Variants in ERC2 observed in about 807,000 individuals in gnomAD.
The protein encoded by ERC2 is ERC protein 2.
In ERC2, 42 loss-of-function variants were observed where a neutral mutation model predicts 114.8. The observed-to-expected ratio is 0.37, with a 90% CI of 0.29 to 0.47. The LOEUF (loss-of-function observed/expected upper bound fraction) is 0.47. Ranked by LOEUF, ERC2 falls within the 20% of genes least tolerant of loss-of-function variation. The pLI, the probability that ERC2 is intolerant of heterozygous loss-of-function variation, is 0.99. For synonymous variants in ERC2, 454 were observed against 425.5 expected (o/e 1.07, Z -0.82); for missense variants, 939 against 1,150.7 (o/e 0.82, Z 2.66).
chr3:56,448,804 G>A (rs1275071502), intron 1 of ERC2, among the ~76,000 whole-genome samples: 5 of 152,040 alleles, frequency 3.3e-5, no homozygotes, highest in Admixed American at 1.3e-4. Context: ...GGCCGGGCGC[G>A]GTGGCTCACA....
intron 17 of ERC2, among the ~76,000 whole-genome samples, chr3:55,598,995 C>T (rs1028783827): frequency 6.6e-6 from 1 of 152,218 alleles, no homozygotes; most frequent in Non-Finnish European, 1.5e-5. Context: ...TTGGCAGCTA[C>T]TTGAAGAAGG....
At chr3:55,520,433 CAAA>C (rs35883947) in intron 17 of ERC2, among the ~76,000 whole-genome samples, 7 of 109,548 alleles carry the variant, frequency 6.4e-5, no homozygotes, top group African/African-American at 1.0e-4. Context: ...GACTCTGTCT[CAAA>C]AAAAAAAAAA....
intron 3 of ERC2, among the ~76,000 whole-genome samples, chr3:56,216,509 C>A (rs1269945536): frequency 6.6e-6 from 1 of 152,170 alleles, no homozygotes; most frequent in Non-Finnish European, 1.5e-5. Context: ...TAATAGCTTA[C>A]CAACCAAAAA....
chr3:56,242,252 TGGG>T (rs1197201036), intron 3 of ERC2, among the ~76,000 whole-genome samples: 1 of 151,986 alleles, frequency 6.6e-6, no homozygotes, highest in African/African-American at 2.4e-5. Flanking sequence ...CATTTATAAG[TGGG>T]AGGTAAGCTA....
intron 12 of ERC2, among the ~76,000 whole-genome samples, chr3:55,955,337 C>T (rs1435707991): frequency 6.6e-6 from 1 of 150,862 alleles, no homozygotes; most frequent in Non-Finnish European, 1.5e-5. Flanking sequence ...ATTAAGTGTA[C>T]AAGTCAAAGG....
At chr3:55,702,466 G>C (rs1187836435) in intron 15 of ERC2, among the ~76,000 whole-genome samples, 1 of 152,096 alleles carries the variant, frequency 6.6e-6, no homozygotes, top group East Asian at 1.9e-4. Flanking sequence ...CTAGTTGCTG[G>C]TGTTCTCTCC....
At chr3:56,418,130 A>C (rs751546932) in intron 2 of ERC2, among the ~76,000 whole-genome samples, 36 of 152,024 alleles carry the variant, frequency 2.4e-4, no homozygotes, top group Non-Finnish European at 4.3e-4. Flanking sequence ...CTACAAAAAA[A>C]AATTGTTTAA....
intron 14 of ERC2, among the ~76,000 whole-genome samples, chr3:55,822,352 T>C (rs543704050): frequency 1.4e-4 from 21 of 152,290 alleles, no homozygotes; most frequent in South Asian, 1.2e-3. Context: ...TTTCTGAAAT[T>C]TATGTTGCTA....
chr3:55,577,437 C>T (rs2057041144), intron 17 of ERC2, among the ~76,000 whole-genome samples: 1 of 152,190 alleles, frequency 6.6e-6, no homozygotes, highest in African/African-American at 2.4e-5. Context: ...TCCCGAGGCA[C>T]TTGGGGAATG....
At chr3:55,758,171 A>G (rs1559607562) in intron 14 of ERC2, among the ~76,000 whole-genome samples, 2 of 152,224 alleles carry the variant, frequency 1.3e-5, no homozygotes, top group South Asian at 2.1e-4. Context: ...TTCTAAGTCC[A>G]TGAAGAAGAG....
intron 14 of ERC2, among the ~76,000 whole-genome samples, chr3:55,845,191 G>C (rs2061299239): frequency 6.6e-6 from 1 of 152,124 alleles, no homozygotes; most frequent in African/African-American, 2.4e-5. Context: ...CCAGGGCTTG[G>C]GGACTCCTGT....
At chr3:56,048,920 G>T (rs748884554) in intron 7 of ERC2, among the ~76,000 whole-genome samples, 1 of 152,180 alleles carries the variant, frequency 6.6e-6, no homozygotes, top group East Asian at 1.9e-4. Flanking sequence ...GCTGAGTTAC[G>T]TGAGATGGGT....
intron 17 of ERC2, among the ~76,000 whole-genome samples, chr3:55,643,005 C>T (rs843802): frequency 0.73 from 110,419 of 152,092 alleles, 42,924 homozygotes; most frequent in Non-Finnish European, 0.85. Flanking sequence ...AAATATAGCA[C>T]GGAAATTTAC....
At chr3:55,601,680 C>T (rs1397676645) in intron 17 of ERC2, among the ~76,000 whole-genome samples, 3 of 152,090 alleles carry the variant, frequency 2.0e-5, no homozygotes, top group South Asian at 2.1e-4. Flanking sequence ...GATAAAGAGC[C>T]GGGGAGCCGG....
At chr3:55,655,269 C>A (rs2060806357) in intron 17 of ERC2, among the ~76,000 whole-genome samples, 1 of 152,062 alleles carries the variant, frequency 6.6e-6, no homozygotes, top group Non-Finnish European at 1.5e-5. Context: ...GGGAACACAT[C>A]CCCCAAGGAC....
At chr3:55,689,038 C>G (rs575796435) in intron 16 of ERC2, among the ~76,000 whole-genome samples, 1 of 152,042 alleles carries the variant, frequency 6.6e-6, no homozygotes, top group Non-Finnish European at 1.5e-5. Context: ...AGGAGATGTC[C>G]ATATTTTAAA....
intron 17 of ERC2, among the ~76,000 whole-genome samples, chr3:55,585,912 C>T (rs1307886355): frequency 6.6e-6 from 1 of 152,278 alleles, no homozygotes; most frequent in African/African-American, 2.4e-5. Flanking sequence ...AGAGCAGAAC[C>T]GCAGAACGAA....
chr3:55,749,013 A>G (rs934774207), intron 14 of ERC2, among the ~76,000 whole-genome samples: 2 of 152,304 alleles, frequency 1.3e-5, no homozygotes, highest in South Asian at 4.1e-4. Context: ...CAGAGATGTA[A>G]AAGGTTGAGG....
chr3:56,401,621 A>G (rs1227534531), intron 2 of ERC2, among the ~76,000 whole-genome samples: 1 of 152,210 alleles, frequency 6.6e-6, no homozygotes, highest in East Asian at 1.9e-4. Flanking sequence ...AATCTGTACC[A>G]TTTATTCTGC....
Sources: gnomAD v4.1 joint callset for allele counts (sites outside exome capture counted in the v4.1 genomes callset) on GRCh38, gnomAD v4.1.1 for gene constraint, MANE v1.5 for transcripts, NCBI Gene and HGNC (gene_info 2026-07-23, HGNC 2026-07-21) for gene names.